PEX5L: variants seen among roughly 807,000 people sequenced by gnomAD.
The protein encoded by PEX5L is peroxisomal biogenesis factor 5 like, also known as PEX5-related protein.
A neutral mutation model predicts 84.0 loss-of-function variants in PEX5L; 30 were observed. The ratio of observed to expected loss-of-function variants is 0.36; its 90% CI spans 0.27 to 0.48. The LOEUF (loss-of-function observed/expected upper bound fraction) is 0.48, where lower values mean the gene tolerates loss of function less well. Ranked by LOEUF, PEX5L falls within the 20% of genes least tolerant of loss-of-function variation. The pLI is 0.99. For synonymous variants in PEX5L, 270 were observed against 283.1 expected, an observed-to-expected ratio of 0.95 and a Z score of 0.46; for missense variants, 533 against 754.6, an observed-to-expected ratio of 0.71 and a Z score of 3.44.
intron 2 of PEX5L, among the ~76,000 whole-genome samples, chr3:179,913,790 G>A (rs924586344): frequency 2.6e-4 from 40 of 152,080 alleles, no homozygotes; most frequent in Non-Finnish European, 1.5e-4. Flanking sequence ...ACTTGGATTC[G>A]TGTATTACAG....
At chr3:179,844,363 T>TA (rs1408012719) in intron 8 of PEX5L, among the ~76,000 whole-genome samples, 1 of 152,234 alleles carries the variant, frequency 6.6e-6, no homozygotes, top group Non-Finnish European at 1.5e-5. Context: ...CCTGGCTAGT[T>TA]AAAACTTCAA....
intron 3 of PEX5L, among the ~76,000 whole-genome samples, chr3:179,897,898 T>C (rs545515654): frequency 1.3e-5 from 2 of 152,252 alleles, no homozygotes; most frequent in South Asian, 2.1e-4. Flanking sequence ...ATATATTCTC[T>C]TTCTCTTTTG....
chr3:179,820,157 T>C, intron 8 of PEX5L, 181 bp from the exon 9 acceptor site: 1 of 720,808 alleles, frequency 1.4e-6, no homozygotes. Context: ...AGTGTTGAAG[T>C]GGATTAGCTG....
chr3:179,855,898 A>T (rs904117882), intron 8 of PEX5L, among the ~76,000 whole-genome samples: 1 of 152,182 alleles, frequency 6.6e-6, no homozygotes, highest in Non-Finnish European at 1.5e-5. Context: ...CATTTCTACT[A>T]CTTATAAATG....
chr3:179,931,500 T>G (rs1560772388), intron 2 of PEX5L, among the ~76,000 whole-genome samples: 1 of 152,222 alleles, frequency 6.6e-6, no homozygotes, highest in Non-Finnish European at 1.5e-5. Flanking sequence ...TTTATAATGA[T>G]AGAACCACAT....
rs188683835 is a variant in PEX5L at position 180,019,509 on chromosome 3, A to G, written c.21+17070T>C. Among the ~76,000 whole-genome samples, 521 of 152,252 alleles carry G rather than the reference A, an allele frequency of 3.4e-3. 1 individual carries two copies. Among genetic ancestry groups the G allele is most frequent in the Non-Finnish European group, 6.0e-3 (407 of 68,014 alleles). On this transcript the variant is annotated intron_variant, in intron 1 of 14. Transcript: ENST00000467460. ...CTCATTTTAAATGTGCAAACAGGCA[A>G]TTTCAGTGATTTAAGGTAGAAGCAT... is the stretch of plus-strand genomic sequence containing the variant.
At chr3:179,810,375 T>C (rs1426182096) in intron 11 of PEX5L, among the ~76,000 whole-genome samples, 2 of 152,148 alleles carry the variant, frequency 1.3e-5, no homozygotes, top group Non-Finnish European at 2.9e-5. Context: ...CATCTAGATA[T>C]GAAAGATTTT....
intron 9 of PEX5L, among the ~76,000 whole-genome samples, chr3:179,818,519 A>AT (rs1727077273): frequency 1.3e-5 from 2 of 152,316 alleles, no homozygotes; most frequent in African/African-American, 4.8e-5. Flanking sequence ...CCAATATGCT[A>AT]TAAAATACTA....
chr3:179,803,212 A>G (rs1187488046), intron 14 of PEX5L, among the ~76,000 whole-genome samples: 1 of 152,226 alleles, frequency 6.6e-6, no homozygotes, highest in Non-Finnish European at 1.5e-5. Context: ...AAACTTGCAA[A>G]AATGTGAAAC....
chr3:179,818,227 A>G (rs1462684245), intron 9 of PEX5L, among the ~76,000 whole-genome samples: 3 of 152,016 alleles, frequency 2.0e-5, no homozygotes, highest in Non-Finnish European at 2.9e-5. Flanking sequence ...CAAAATAATA[A>G]TATATACTTA....
Position 179,795,103 on chromosome 3 carries a change from T to G in PEX5L, c.*6725A>C, listed in dbSNP as rs1189479649. 6.6e-6 allele frequency: 1 copy of G among 152,208 alleles called. No individual in the cohort carries two copies. 9.4% of individuals were successfully genotyped at this position (152,208 alleles called of 1,614,324 possible). A position where few individuals can be genotyped will look rare whatever the true frequency, so the allele number is the denominator to read the frequency against. On this transcript the variant is annotated 3_prime_UTR_variant, in exon 15 of 15. Transcript: ENST00000467460. ...AATGCATTCCTGATTTCCAGATAGC[T>G]CATGCAAAATCATATGTAGTGATAT...
At chr3:180,020,557 T>C (rs1426894288) in intron 1 of PEX5L, among the ~76,000 whole-genome samples, 1 of 152,158 alleles carries the variant, frequency 6.6e-6, no homozygotes, top group Non-Finnish European at 1.5e-5. Flanking sequence ...TTTTGTGATG[T>C]GAATGAGAAA....
intron 1 of PEX5L, among the ~76,000 whole-genome samples, chr3:179,974,778 C>T (rs1465073162): frequency 6.6e-6 from 1 of 152,210 alleles, no homozygotes; most frequent in East Asian, 1.9e-4. Flanking sequence ...TCTCTACAGA[C>T]TTCCACCATC....
At chr3:179,966,446 C>T (rs1783362735) in intron 2 of PEX5L, among the ~76,000 whole-genome samples, 1 of 152,138 alleles carries the variant, frequency 6.6e-6, no homozygotes, top group Non-Finnish European at 1.5e-5. Context: ...AAAGCATTGG[C>T]CAGATGGGGC....
chr3:180,031,462 T>G (rs1791458949), intron 1 of PEX5L, among the ~76,000 whole-genome samples: 1 of 152,234 alleles, frequency 6.6e-6, no homozygotes, highest in Non-Finnish European at 1.5e-5. Flanking sequence ...ATTTGTGTTT[T>G]ATATGTTCTG....
chr3:179,882,170 CAATT>C (rs1754364374), intron 4 of PEX5L, among the ~76,000 whole-genome samples: 1 of 152,268 alleles, frequency 6.6e-6, no homozygotes, highest in Non-Finnish European at 1.5e-5. Flanking sequence ...ATTGTACAAA[CAATT>C]AAGAGTTAGT....
At chr3:180,033,207 G>A (rs1023539063) in intron 1 of PEX5L, among the ~76,000 whole-genome samples, 9 of 152,086 alleles carry the variant, frequency 5.9e-5, no homozygotes, top group African/African-American at 2.2e-4. Context: ...CTACTTTTTG[G>A]GCTGTTAATA....
At chr3:179,874,726 GTTTTTTTTTTTGTT>G (rs1208990120) in intron 6 of PEX5L, among the ~76,000 whole-genome samples, 64 of 45,206 alleles carry the variant, frequency 1.4e-3, no homozygotes, top group African/African-American at 2.5e-3. Context: ...AAAAATTATG[GTTTTTTTTTTTGTT>G]TTTTTTTTTT....
chr3:179,918,010 G>A (rs1767844093), intron 2 of PEX5L, among the ~76,000 whole-genome samples: 3 of 152,110 alleles, frequency 2.0e-5, no homozygotes, highest in Admixed American at 2.0e-4. Flanking sequence ...AACTCTTTGA[G>A]GTATATGCTT....
Sources: gnomAD v4.1 joint callset for allele counts (sites outside exome capture counted in the v4.1 genomes callset) on GRCh38, gnomAD v4.1.1 for gene constraint, MANE v1.5 for transcripts, NCBI Gene and HGNC (gene_info 2026-07-23, HGNC 2026-07-21) for gene names.